SHANK2: variants seen among roughly 807,000 people sequenced by gnomAD.
SHANK2 encodes SH3 and multiple ankyrin repeat domains 2.
Under a neutral mutation model 133.7 loss-of-function variants are expected in SHANK2, and 43 were observed. That is an observed-to-expected ratio of 0.32 (90% CI 0.25 to 0.41). The LOEUF (loss-of-function observed/expected upper bound fraction) is 0.41. SHANK2 is among the 10% of genes least tolerant of loss of function. The pLI is 1.00. For synonymous variants in SHANK2, 1,017 were observed against 952.8 expected (o/e 1.07, Z -1.24); for missense variants, 1,994 against 2,235.8 (o/e 0.89, Z 2.18).
chr11:70,562,163 C>T (rs535509046), intron 17 of SHANK2, among the ~76,000 whole-genome samples: 1 of 152,328 alleles, frequency 6.6e-6, no homozygotes, highest in East Asian at 1.9e-4. Context: ...GAGCTCACAT[C>T]TGTATGACTT....
intron 17 of SHANK2, among the ~76,000 whole-genome samples, chr11:70,568,165 G>A (rs954122584): frequency 1.3e-5 from 2 of 152,218 alleles, no homozygotes; most frequent in African/African-American, 4.8e-5. Context: ...GGATAACCTA[G>A]AAAGCAGGCC....
intron 10 of SHANK2, among the ~76,000 whole-genome samples, chr11:70,896,837 T>C (rs1949943321): frequency 6.6e-6 from 1 of 152,140 alleles, no homozygotes. Flanking sequence ...TGGGGCAAAT[T>C]ACCCATAGAG....
chr11:70,905,362 C>T (rs1250685277), intron 10 of SHANK2, among the ~76,000 whole-genome samples: 1 of 152,220 alleles, frequency 6.6e-6, no homozygotes, highest in Admixed American at 6.5e-5. Context: ...CAAAGTGCCG[C>T]ATCCTATACC....
intron 5 of SHANK2, among the ~76,000 whole-genome samples, chr11:71,112,160 G>A (rs1017867652): frequency 6.6e-6 from 1 of 152,222 alleles, no homozygotes; most frequent in African/African-American, 2.4e-5. Flanking sequence ...TTGGGAGGCC[G>A]AGGCGGATGG....
In SHANK2 at chr11:70,599,479, C is replaced by T. The variant is rs1423617685; in HGVS notation, c.2061+60349G>A. ...AAAATTAGCCGGGCGAGGTGGCGGG[C>T]GCCTGTAGTCCCAGCTACTCGGGAG... is the stretch of plus-strand genomic sequence containing the variant. On this transcript the variant is annotated intron_variant, in intron 17 of 25. Transcript: ENST00000601538. Among the ~76,000 whole-genome samples the T allele has an allele frequency of 3.7e-5, 5 of 134,982 alleles. 1 individual carries two copies. Among genetic ancestry groups the T allele is most frequent in the Non-Finnish European group, 6.4e-5 (4 of 62,198 alleles). The allele number at this position is 134,982 out of a possible 152,430, so 88.6% of individuals were successfully genotyped here.
At chr11:70,913,632 T>C (rs1332894526) in intron 10 of SHANK2, among the ~76,000 whole-genome samples, 1 of 152,160 alleles carries the variant, frequency 6.6e-6, no homozygotes, top group East Asian at 1.9e-4. Flanking sequence ...CCACTAAAAA[T>C]ATAAGCTAAG....
At chr11:70,884,570 G>A (rs1555073021) in intron 11 of SHANK2, among the ~76,000 whole-genome samples, 1 of 152,198 alleles carries the variant, frequency 6.6e-6, no homozygotes, top group Non-Finnish European at 1.5e-5. Context: ...TGGGGTTCAT[G>A]GTGACCGGAT....
chr11:70,758,705 C>T (rs1946925130), intron 14 of SHANK2, among the ~76,000 whole-genome samples: 1 of 152,230 alleles, frequency 6.6e-6, no homozygotes, highest in East Asian at 1.9e-4. Context: ...GAATCTGCCC[C>T]AAGCCTCTCT....
intron 11 of SHANK2, chr11:70,865,205 C>T (rs1369777736): frequency 6.6e-6 from 1 of 152,104 alleles, no homozygotes; most frequent in East Asian, 1.9e-4. Flanking sequence ...TTCAAGGGGT[C>T]CTTATGATAC....
intron 25 of SHANK2, among the ~76,000 whole-genome samples, chr11:70,484,114 A>G (rs1209711716): frequency 6.6e-6 from 1 of 152,212 alleles, no homozygotes; most frequent in Non-Finnish European, 1.5e-5. Flanking sequence ...GGAACAGCAA[A>G]ATGGTGCACA....
chr11:70,910,768 C>G (rs1272963840), intron 10 of SHANK2, among the ~76,000 whole-genome samples: 1 of 150,420 alleles, frequency 6.6e-6, no homozygotes, highest in Non-Finnish European at 1.5e-5. Context: ...GATCGCACAA[C>G]TGCACTCCAG....
At chr11:70,774,429 C>T (rs1470183847) in intron 14 of SHANK2, among the ~76,000 whole-genome samples, 1 of 152,054 alleles carries the variant, frequency 6.6e-6, no homozygotes, top group East Asian at 1.9e-4. Context: ...AAGCAATTCT[C>T]CTGCCTCCAC....
In SHANK2 at chr11:70,734,243, C is replaced by T. The variant is rs1351293587; in HGVS notation, c.1778-35480G>A. 3.3e-5 allele frequency among the ~76,000 whole-genome samples: 5 copies of T among 152,138 alleles called. No individual in the cohort carries two copies. In the East Asian group the frequency reaches 5.8e-4, roughly 18 times the overall value. ...CACCGTGACGGGGGAACTGGCTATG[C>T]GAGGAGATGTTTTAACTGGGTTGTT... On this transcript the variant is annotated intron_variant, in intron 14 of 25. Transcript: ENST00000601538.
chr11:70,545,141 T>G (rs2136050060), intron 17 of SHANK2, among the ~76,000 whole-genome samples: 1 of 152,320 alleles, frequency 6.6e-6, no homozygotes, highest in East Asian at 1.9e-4. Context: ...ACCCCAGTCC[T>G]GCCGTGGGCG....
intron 1 of SHANK2, among the ~76,000 whole-genome samples, chr11:71,242,081 C>T (rs113508815): frequency 1.3e-5 from 2 of 152,188 alleles, no homozygotes; most frequent in Admixed American, 6.5e-5. Context: ...TTCTGACACA[C>T]GCTACAACAT....
At chr11:70,582,901 C>T (rs1040789057) in intron 17 of SHANK2, among the ~76,000 whole-genome samples, 1 of 152,108 alleles carries the variant, frequency 6.6e-6, no homozygotes, top group African/African-American at 2.4e-5. Flanking sequence ...TGAGCAGGAC[C>T]CTCAGGTGTT....
At position 70,573,201 on chromosome 11, in the gene SHANK2, C is replaced by T. The variant is rs868989877; in HGVS notation, c.2062-70270G>A. 7.7e-5 allele frequency among the ~76,000 whole-genome samples: 11 copies of T among 142,166 alleles called. No homozygotes were observed. In the South Asian group the frequency reaches 9.5e-4, roughly 12 times the overall value. 93.3% of individuals were successfully genotyped at this position (142,166 alleles called of 152,430 possible). ...GAGGGTGCAGGCTGCTGTGATGTGA[C>T]GGAGCTGGGCGGTCACTGCAGCGGT... On this transcript the variant is annotated intron_variant, in intron 17 of 25. Transcript: ENST00000601538.
chr11:71,170,256 T>C (rs1482063122), intron 2 of SHANK2, among the ~76,000 whole-genome samples: 2 of 152,244 alleles, frequency 1.3e-5, no homozygotes, highest in African/African-American at 4.8e-5. Context: ...TTTAGAATAT[T>C]ACTCTCAATG....
intron 17 of SHANK2, among the ~76,000 whole-genome samples, chr11:70,641,138 C>T (rs1044673894): frequency 3.3e-5 from 5 of 150,744 alleles, no homozygotes; most frequent in Non-Finnish European, 7.4e-5. Flanking sequence ...CTGTGTTGCC[C>T]AGGCTGGAGT....
Sources: allele counts gnomAD v4.1 joint callset (sites outside exome capture counted in the v4.1 genomes callset), GRCh38; gene constraint gnomAD v4.1.1; transcripts MANE v1.5; gene names NCBI Gene and HGNC (gene_info 2026-07-23, HGNC 2026-07-21).